The following CLVS2 variants were observed in gnomAD, a reference collection of about 807,000 sequenced individuals.
The protein encoded by CLVS2 is clavesin 2, also known as clavesin-2.
Under a neutral mutation model 29.0 loss-of-function variants are expected in CLVS2, and 19 were observed. The observed-to-expected ratio is 0.66, with a 90% CI of 0.46 to 0.96. CLVS2 has a LOEUF of 0.96. Among genes scored for constraint, CLVS2 ranks in the 40% least tolerant of loss-of-function variants. The pLI is 0.00. For synonymous variants in CLVS2, 161 were observed against 151.3 expected (o/e 1.06, Z -0.47); for missense variants, 294 against 404.1 (o/e 0.73, Z 2.34).
In CLVS2 at chr6:123,055,986, A is replaced by G; in HGVS notation, c.856A>G (p.Lys286Glu). 1.9e-6 allele frequency: 3 copies of G among 1,613,844 alleles called. No individual in the cohort carries two copies. Among genetic ancestry groups the G allele is most frequent in the Non-Finnish European group, 1.7e-6 (2 of 1,179,876 alleles). ...TGTAGACTCCTACAGCATGCCTGTG[A>G]AGGAAGTAGAGAAGGAACTCTCCCC... is the stretch of plus-strand genomic sequence containing the variant. The part of the protein sequence containing the change: ...YNVDSYSMPV[K>E]EVEKELSPKS... Residue 286 changes from lysine to glutamate, a missense_variant, in exon 5 of 6, where the codon AAG becomes GAG. By Grantham distance (56) the Lys-to-Glu change is moderately conservative. Coordinates refer to ENST00000275162, the MANE Select transcript of CLVS2 (RefSeq NM_001010852.4).
intron 5 of CLVS2, among the ~76,000 whole-genome samples, chr6:123,061,130 A>G (rs1161733633): frequency 6.6e-6 from 1 of 152,114 alleles, no homozygotes. Flanking sequence ...GTGAAACCTC[A>G]TTTCTACTAA....
At chr6:123,029,911 C>T (rs751444296) in intron 3 of CLVS2, among the ~76,000 whole-genome samples, 5 of 152,156 alleles carry the variant, frequency 3.3e-5, no homozygotes, top group Non-Finnish European at 1.5e-5. Flanking sequence ...CAGTTTTTGT[C>T]AAGAGCATGG....
At chr6:123,054,041 G>A (rs970863810) in intron 4 of CLVS2, among the ~76,000 whole-genome samples, 3 of 152,168 alleles carry the variant, frequency 2.0e-5, no homozygotes, top group Admixed American at 6.5e-5. Context: ...ATGATGCTGC[G>A]GAAGGAGGCA....
intron 5 of CLVS2, among the ~76,000 whole-genome samples, chr6:123,056,395 A>T (rs1772693663): frequency 6.6e-6 from 1 of 152,152 alleles, no homozygotes; most frequent in South Asian, 2.1e-4. Context: ...GCCTCATCCC[A>T]GTGCTTGGTA....
chr6:123,039,900 C>A (rs192127118), intron 3 of CLVS2, among the ~76,000 whole-genome samples: 1 of 152,112 alleles, frequency 6.6e-6, no homozygotes, highest in Non-Finnish European at 1.5e-5. Context: ...CAGTATTCTA[C>A]TTTAAGTTGT....
At chr6:123,031,284 C>T (rs947157971) in intron 3 of CLVS2, among the ~76,000 whole-genome samples, 1 of 152,032 alleles carries the variant, frequency 6.6e-6, no homozygotes, top group African/African-American at 2.4e-5. Flanking sequence ...AATCTCAATC[C>T]TATCTAAAAT....
At position 123,064,452 on chromosome 6, in the gene CLVS2, G is replaced by A. The variant is rs994236757; in HGVS notation, c.*691G>A. The A allele has an allele frequency of 6.6e-6, 1 of 151,910 alleles. No homozygotes were observed. Among genetic ancestry groups the A allele is most frequent in the African/African-American group, 2.4e-5 (1 of 41,420 alleles). 9.4% of individuals were successfully genotyped at this position (151,910 alleles called of 1,614,324 possible). ...TTAAGACGTAGAAATGTAAAAAAGA[G>A]TGGATTCTTTTTAAATTGCTGTCTT... On this transcript the variant is annotated 3_prime_UTR_variant, in exon 6 of 6. Coordinates refer to ENST00000275162, the MANE Select transcript of CLVS2 (RefSeq NM_001010852.4).
chr6:123,069,087 A>G lies in CLVS2; in HGVS notation c.*5326A>G, dbSNP rs1457346656. The G allele has an allele frequency of 1.3e-5, 2 of 151,786 alleles. No individual in the cohort carries two copies. Among genetic ancestry groups the G allele is most frequent in the African/African-American group, 4.8e-5 (2 of 41,396 alleles). 9.4% of individuals were successfully genotyped at this position (151,786 alleles called of 1,614,324 possible). A position where few individuals can be genotyped will look rare whatever the true frequency, so the allele number is the denominator to read the frequency against. ...ATGTGTGGGGATCAAAGAGGAAAAT[A>G]TATAGTAATTTGTTTCATCAAAATG... On this transcript the variant is annotated 3_prime_UTR_variant, in exon 6 of 6. Coordinates refer to ENST00000275162, the MANE Select transcript of CLVS2 (RefSeq NM_001010852.4).
intron 3 of CLVS2, among the ~76,000 whole-genome samples, chr6:123,040,052 G>A (rs1307296287): frequency 1.3e-5 from 2 of 152,046 alleles, no homozygotes; most frequent in African/African-American, 4.8e-5. Context: ...CATTAACATC[G>A]TATCAAGGGT....
intron 3 of CLVS2, among the ~76,000 whole-genome samples, chr6:123,020,946 G>A (rs530789281): frequency 1.3e-5 from 2 of 151,538 alleles, no homozygotes; most frequent in South Asian, 2.1e-4. Context: ...GCTCTTGCTC[G>A]AATTTCATTG....
chr6:123,051,210 T>A lies in CLVS2; in HGVS notation c.675+2478T>A, dbSNP rs1772606192. Among the ~76,000 whole-genome samples, 4 of 152,136 alleles carry A rather than the reference T, an allele frequency of 2.6e-5. No homozygotes were observed. In the South Asian group the frequency reaches 8.3e-4, roughly 32 times the overall value. On this transcript the variant is annotated intron_variant, in intron 4 of 5. Transcript: ENST00000275162. ...AGAACTGAGGAAGCAGTTGTGAATC[T>A]TTTTCTACAAACTCAGGTGTGCAAG...
Position 123,008,303 on chromosome 6 carries a change from A to G in CLVS2, c.390-2682A>G, listed in dbSNP as rs562420736. Among the ~76,000 whole-genome samples the G allele has an allele frequency of 1.3e-3, 196 of 152,106 alleles. 3 individuals are homozygous for G. Among genetic ancestry groups the G allele is most frequent in the African/African-American group, 4.5e-3 (188 of 41,510 alleles). ...AGACTTACTCTTGATAATTTTGCAA[A>G]CCTACTTTTCTTCATTGCTGATTTT... is the stretch of plus-strand genomic sequence containing the variant. On this transcript the variant is annotated intron_variant, in intron 2 of 5. Transcript: ENST00000275162.
rs1156656085 is a variant in CLVS2 at position 123,029,855 on chromosome 6, A to G, written c.564+18696A>G. Among the ~76,000 whole-genome samples the G allele has an allele frequency of 2.6e-5, 4 of 152,290 alleles. No individual in the cohort carries two copies. In the East Asian group the frequency reaches 7.7e-4, roughly 29 times the overall value. On this transcript the variant is annotated intron_variant, in intron 3 of 5. Transcript: ENST00000275162. ...TCTTACAAATACTGCCTGATGATGG[A>G]ATTCATAGGTAGCAAGGAGCCTGGC... is the stretch of plus-strand genomic sequence containing the variant.
chr6:123,047,823 A>T (rs924723079), intron 3 of CLVS2, among the ~76,000 whole-genome samples: 2 of 152,086 alleles, frequency 1.3e-5, no homozygotes, highest in African/African-American at 4.8e-5. Flanking sequence ...GATCAGATCC[A>T]TTTATGTAGA....
At chr6:123,044,284 C>T (rs1326077624) in intron 3 of CLVS2, among the ~76,000 whole-genome samples, 4 of 152,142 alleles carry the variant, frequency 2.6e-5, no homozygotes, top group Non-Finnish European at 4.4e-5. Flanking sequence ...TTACTTTGTA[C>T]TTTGTAGGTC....
intron 3 of CLVS2, among the ~76,000 whole-genome samples, chr6:123,033,844 A>G (rs960366853): frequency 7.2e-5 from 11 of 152,114 alleles, no homozygotes; most frequent in African/African-American, 2.7e-4. Flanking sequence ...CTAGGGTCAT[A>G]TAAAAAATCA....
intron 3 of CLVS2, among the ~76,000 whole-genome samples, chr6:123,046,435 G>A (rs567291739): frequency 8.0e-4 from 121 of 152,146 alleles, no homozygotes; most frequent in Non-Finnish European, 1.3e-3. Flanking sequence ...CGAGGTGGGC[G>A]AGTCACCTGA....
chr6:123,030,818 A>AATAT lies in CLVS2; in HGVS notation c.565-17790_565-17787dup, dbSNP rs34549391. On this transcript the variant is annotated intron_variant, in intron 3 of 5. Coordinates refer to ENST00000275162, the MANE Select transcript of CLVS2 (RefSeq NM_001010852.4). ...AGAGTCAAAGTACTTTAGTAAGGAG[A>AATAT]ATATATATATATATATAAAATATAT... Among the ~76,000 whole-genome samples the AATAT allele has an allele frequency of 3.1e-3, 433 of 137,630 alleles. 5 individuals carry two copies. Among genetic ancestry groups the AATAT allele is most frequent in the African/African-American group, 0.011 (407 of 36,694 alleles). 90.3% of individuals were successfully genotyped at this position (137,630 alleles called of 152,430 possible).
In CLVS2 at chr6:123,055,979, G is replaced by T. The variant is rs773758742; in HGVS notation, c.849G>T (p.Met283Ile). 1 of 1,613,920 alleles carries T rather than the reference G, an allele frequency of 6.2e-7. No individual in the cohort carries two copies. Among genetic ancestry groups the T allele is most frequent in the South Asian group, 1.1e-5 (1 of 91,078 alleles). ...DSEYNVDSYS[M>I]PVKEVEKELS... Reference sequence around the variant, plus strand: ...AGTACAATGTAGACTCCTACAGCATGCCTGTGAAGGAAGTAGAGAAGGAAC... The same window carrying T: ...AGTACAATGTAGACTCCTACAGCATTCCTGTGAAGGAAGTAGAGAAGGAAC... The change falls in exon 5 of 6, where the codon ATG (methionine) becomes ATT (isoleucine). Residue 283 changes from methionine (M) to isoleucine (I), a missense_variant. Around this residue, in one of 2 missense-constraint regions of CLVS2, gnomAD observed 82 missense variants for 67.8 expected, o/e 1.21. Transcript: ENST00000275162.
Sources: allele counts gnomAD v4.1 joint callset (sites outside exome capture counted in the v4.1 genomes callset), GRCh38; gene constraint gnomAD v4.1.1; regional missense constraint gnomAD v4.1.1; transcripts MANE v1.5; gene names NCBI Gene and HGNC (gene_info 2026-07-23, HGNC 2026-07-21).